Variants in ABCA10 observed in about 807,000 individuals in gnomAD.
ABCA10 encodes ATP-binding cassette sub-family A member 10.
A neutral mutation model predicts 187.5 loss-of-function variants in ABCA10; 169 were observed. The ratio of observed to expected loss-of-function variants is 0.90; its 90% CI spans 0.80 to 1.02. The LOEUF (loss-of-function observed/expected upper bound fraction) is 1.02, where lower values mean the gene tolerates loss of function less well. ABCA10 is among the 50% of genes least tolerant of loss of function. The probability of loss-of-function intolerance (pLI) is 0.00; values close to 1 mark genes in which losing one functional copy is unlikely to be tolerated. For missense variants in ABCA10, 1,727 were observed against 1,812.4 expected, an observed-to-expected ratio of 0.95 and a Z score of 0.86; for synonymous variants, 574 against 601.8, an observed-to-expected ratio of 0.95 and a Z score of 0.68.
rs770741468 is a variant in ABCA10 at position 69,225,335 on chromosome 17, G to A, written c.24C>T (p.Ser8=). The A allele has an allele frequency of 6.2e-7, 1 of 1,613,194 alleles. No homozygotes were observed. Among genetic ancestry groups the A allele is most frequent in the Non-Finnish European group, 8.5e-7 (1 of 1,179,434 alleles). Residue 8 remains serine (S), a synonymous_variant, in exon 3 of 39, where the codon TCC becomes TCT. Coordinates refer to ENST00000690296, the MANE Select transcript of ABCA10 (RefSeq NM_001377321.1). ...TATTGGACAACACACCTTTCATAAA[G>A]GAAGCCAAGGCCATCTTATTCATTA... MNKMALA[S]FMKGRTVIGT... is the part of the protein sequence containing the mutation.
rs2074165138 is a variant in ABCA10, at chr17:69,155,264, CT to C, written c.3577-129del. The C allele has an allele frequency of 9.3e-6, 6 of 644,218 alleles. No homozygotes were observed. The South Asian group carries it at 1.4e-4, about 16-fold the overall frequency. 39.9% of individuals were successfully genotyped at this position (644,218 alleles called of 1,614,324 possible). A position where few individuals can be genotyped will look rare whatever the true frequency, so the allele number is the denominator to read the frequency against. ...ATGCCAGGCTGAAGAGCTTTAGCCT[CT>C]TTTTTCAAATAAAATACCCAAATGT... On this transcript the variant is annotated intron_variant, in intron 29 of 38. Coordinates refer to ENST00000690296, the MANE Select transcript of ABCA10 (RefSeq NM_001377321.1).
intron 6 of ABCA10, among the ~76,000 whole-genome samples, chr17:69,218,795 C>G (rs1275715170): frequency 6.6e-6 from 1 of 152,076 alleles, no homozygotes; most frequent in Non-Finnish European, 1.5e-5. Context: ...TGATGAATTC[C>G]AACCAAATAA....
chr17:69,182,623 C>T lies in ABCA10; in HGVS notation c.2631+52G>A, dbSNP rs1388088792. ...TATAGTTCTAAGTATTAGGACGTGG[C>T]AAAAAAAACAAAAAAAAACCAAAAA... On this transcript the variant is annotated intron_variant, in intron 21 of 38. Transcript: ENST00000690296. The T allele has an allele frequency of 4.0e-6, 6 of 1,490,932 alleles. No homozygotes were observed. The African/African-American group carries it at 7.3e-5, about 18-fold the overall frequency. 92.4% of individuals were successfully genotyped at this position (1,490,932 alleles called of 1,614,324 possible).
At chr17:69,184,880 T>C (rs553190470) in intron 20 of ABCA10, among the ~76,000 whole-genome samples, 31 of 144,540 alleles carry the variant, frequency 2.1e-4, no homozygotes, top group Non-Finnish European at 3.3e-4. Flanking sequence ...TGTATATATA[T>C]ACACACACAC....
At position 69,222,528 on chromosome 17, in the gene ABCA10, G is replaced by C. The variant is rs749428521; in HGVS notation, c.199+5C>G. 1 of 1,538,020 alleles carries C rather than the reference G, an allele frequency of 6.5e-7. No individual in the cohort carries two copies. The highest frequency in any genetic ancestry group is 8.7e-7 in the Non-Finnish European group (1 of 1,152,720). ...AAAAATTATAATCAGTTTTTTTATA[G>C]TTACCTGTGTATTCAGAGTGCTCCT... On this transcript the variant is annotated splice_donor_5th_base_variant and intron_variant, in intron 4 of 38. Coordinates refer to ENST00000690296, the MANE Select transcript of ABCA10 (RefSeq NM_001377321.1).
chr17:69,160,730 A>T (rs549550530), intron 27 of ABCA10, among the ~76,000 whole-genome samples: 1 of 152,340 alleles, frequency 6.6e-6, no homozygotes, highest in Non-Finnish European at 1.5e-5. Flanking sequence ...ACCACCTCAC[A>T]TCCATTAGGA....
intron 6 of ABCA10, among the ~76,000 whole-genome samples, chr17:69,217,201 C>T (rs558867391): frequency 1.9e-4 from 28 of 151,062 alleles, no homozygotes; most frequent in Non-Finnish European, 4.0e-4. Context: ...GAGACAAGAT[C>T]GTGCCATTGC....
chr17:69,189,350 T>A (rs1017093237), intron 18 of ABCA10, among the ~76,000 whole-genome samples: 1 of 152,216 alleles, frequency 6.6e-6, no homozygotes, highest in Non-Finnish European at 1.5e-5. Context: ...TCTGTTCATG[T>A]CCTTTGTCCA....
chr17:69,219,820 T>C (rs1205113463), intron 5 of ABCA10, 49 bp from the exon 6 acceptor site: 3 of 1,266,584 alleles, frequency 2.4e-6, no homozygotes, highest in Non-Finnish European at 2.2e-6. Flanking sequence ...AGACAAAATA[T>C]ATTAGAAAAC....
At position 69,164,997 on chromosome 17, in the gene ABCA10, G is replaced by A; in HGVS notation, c.3249C>T (p.Phe1083=). The A allele has an allele frequency of 1.2e-6, 2 of 1,613,268 alleles. No homozygotes were observed. Among genetic ancestry groups the A allele is most frequent in the Non-Finnish European group, 1.7e-6 (2 of 1,179,440 alleles). Residue 1083 remains phenylalanine (F), a synonymous_variant, in exon 26 of 39, where the codon TTC becomes TTT. Coordinates refer to ENST00000690296, the MANE Select transcript of ABCA10 (RefSeq NM_001377321.1). ...LILCMIFIPS[F]TLLGYVMLLI... is the part of the protein sequence containing the mutation. ...ATAACATGACATACCCCAGCAAAGT[G>A]AAGGAAGGTATGAAAATCATGCACA...
intron 25 of ABCA10, among the ~76,000 whole-genome samples, chr17:69,170,437 CAAAAAAAAAAA>C (rs71144658): frequency 9.1e-6 from 1 of 109,682 alleles, no homozygotes. Context: ...TTTTACTCAT[CAAAAAAAAAAA>C]AAAAAAAAAG....
chr17:69,151,128 T>C (rs569646058), intron 36 of ABCA10, among the ~76,000 whole-genome samples: 1 of 152,316 alleles, frequency 6.6e-6, no homozygotes, highest in East Asian at 1.9e-4. Flanking sequence ...ATCTCTTACT[T>C]TGGCATCTCC....
At chr17:69,188,872 C>T (rs1181016633) in intron 18 of ABCA10, among the ~76,000 whole-genome samples, 2 of 152,128 alleles carry the variant, frequency 1.3e-5, no homozygotes, top group East Asian at 3.9e-4. Context: ...TGATCTCATT[C>T]TTTATGGTTG....
chr17:69,175,326 T>C lies in ABCA10; in HGVS notation c.2877+80A>G, dbSNP rs183227155. On this transcript the variant is annotated intron_variant, in intron 23 of 38. Coordinates refer to ENST00000690296, the MANE Select transcript of ABCA10 (RefSeq NM_001377321.1). ...AAACATTAACCAAAGTACAACTGTGTGTGTATAAAACAATAAAATTGCAAT... is the reference window on the plus strand; with the variant it reads ...AAACATTAACCAAAGTACAACTGTGCGTGTATAAAACAATAAAATTGCAAT... 1.4e-4 allele frequency: 160 copies of C among 1,181,196 alleles called. No individual in the cohort carries two copies. The African/African-American group carries it at 2.1e-3, about 16-fold the overall frequency. The allele number at this position is 1,181,196 out of a possible 1,614,324, so 73.2% of individuals were successfully genotyped here. A position where few individuals can be genotyped will look rare whatever the true frequency, so the allele number is the denominator to read the frequency against.
intron 3 of ABCA10, among the ~76,000 whole-genome samples, chr17:69,223,082 A>G (rs1276128843): frequency 6.6e-6 from 1 of 152,090 alleles, no homozygotes; most frequent in Admixed American, 6.6e-5. Context: ...GAGGAGAGGA[A>G]GTAGTGGTGA....
chr17:69,242,196 T>C (rs1233219290), intron 1 of ABCA10, among the ~76,000 whole-genome samples: 2 of 152,172 alleles, frequency 1.3e-5, no homozygotes, highest in African/African-American at 4.8e-5. Flanking sequence ...ATCAACTACA[T>C]CATAATCACA....
Position 69,215,875 on chromosome 17 carries a change from T to C in ABCA10, c.798A>G (p.Leu266=), listed in dbSNP as rs2074699649. ...GAAGACTTAATACCCATCCCAAAGA[T>C]AAAGGAAGTTGTCTATATAACACAG... ...GFTVLYRQLP[L]SLGWVLSLLS... is the part of the protein sequence containing the mutation. Residue 266 remains leucine (L), a synonymous_variant, in exon 8 of 39, where the codon TTA becomes TTG. Coordinates refer to ENST00000690296, the MANE Select transcript of ABCA10 (RefSeq NM_001377321.1). The C allele has an allele frequency of 6.2e-7, 1 of 1,613,516 alleles. No individual in the cohort carries two copies.
chr17:69,233,190 C>A (rs1191546587), upstream of ABCA10: 1 of 152,106 alleles, frequency 6.6e-6, no homozygotes, highest in African/African-American at 2.4e-5. Flanking sequence ...TTAACTCCAA[C>A]AACTGGAATA....
chr17:69,175,124 C>A (rs778278529), intron 23 of ABCA10, among the ~76,000 whole-genome samples: 6 of 152,136 alleles, frequency 3.9e-5, no homozygotes, highest in Non-Finnish European at 8.8e-5. Context: ...CCCTTTGGAA[C>A]TGTGAAATAA....
Sources: allele counts gnomAD v4.1 joint callset (sites outside exome capture counted in the v4.1 genomes callset), GRCh38; gene constraint gnomAD v4.1.1; transcripts MANE v1.5; gene names NCBI Gene and HGNC (gene_info 2026-07-23, HGNC 2026-07-21).